The following PLEKHA5 variants were observed in gnomAD, a reference collection of about 807,000 sequenced individuals.
PLEKHA5 encodes the protein pleckstrin homology domain containing A5, also known as pleckstrin homology domain-containing family A member 5.
In PLEKHA5, 55 loss-of-function variants were observed where a neutral mutation model predicts 181.9. The observed-to-expected ratio is 0.30, with a 90% CI of 0.24 to 0.38. PLEKHA5 has a LOEUF of 0.38. PLEKHA5 is among the 10% of genes least tolerant of loss of function. The pLI, the probability that PLEKHA5 is intolerant of heterozygous loss-of-function variation, is 1.00. For synonymous variants in PLEKHA5, 535 were observed against 529.4 expected, an observed-to-expected ratio of 1.01 and a Z score of -0.15; for missense variants, 1,432 against 1,549.5, an observed-to-expected ratio of 0.92 and a Z score of 1.27.
At chr12:19,213,890 G>A (rs2057441606) in intron 3 of PLEKHA5, among the ~76,000 whole-genome samples, 1 of 152,124 alleles carries the variant, frequency 6.6e-6, no homozygotes, top group Admixed American at 6.6e-5. Context: ...GACCTTTTAA[G>A]TTTGAAATGT....
chr12:19,167,865 T>C (rs116380554), intron 3 of PLEKHA5, among the ~76,000 whole-genome samples: 1,934 of 152,260 alleles, frequency 0.013, 30 homozygotes, highest in South Asian at 0.037. Flanking sequence ...CTACTTGTCA[T>C]TGGGTGGCTG....
intron 20 of PLEKHA5, 82 bp downstream of exon 20, chr12:19,322,749 T>C (rs1283488384): frequency 2.3e-6 from 2 of 875,652 alleles, no homozygotes; most frequent in East Asian, 5.0e-5. Context: ...AATACTGGGC[T>C]CTCTTTAGGA....
chr12:19,306,955 A>C lies in PLEKHA5; in HGVS notation c.2038-7859A>C, dbSNP rs1190719301. 124 of 1,178,196 alleles carry C rather than the reference A, an allele frequency of 1.1e-4. No individual in the cohort carries two copies. The East Asian group carries it at 2.9e-3, about 27-fold the overall frequency. The allele number at this position is 1,178,196 out of a possible 1,614,324, so 73.0% of individuals were successfully genotyped here. ...TCTGCTTGGTGTTGGGCTCCTGCCT[A>C]CTCCTAACCCACTTACTCAGACTGG... On this transcript the variant is annotated intron_variant, in intron 15 of 31. Transcript: ENST00000429027.
intron 3 of PLEKHA5, among the ~76,000 whole-genome samples, chr12:19,208,594 C>G (rs1029368642): frequency 2.0e-5 from 3 of 152,066 alleles, no homozygotes; most frequent in African/African-American, 7.2e-5. Flanking sequence ...CAGCTAAGCT[C>G]TCATTTTTTG....
rs1165175456 is a variant in PLEKHA5, at chr12:19,270,764, T to C, written c.845+559T>C. On this transcript the variant is annotated intron_variant, in intron 10 of 31. Coordinates refer to ENST00000429027, the MANE Select transcript of PLEKHA5 (RefSeq NM_001256470.2). ...CCAGTCAGTGACAGCTGAGCACATATCTTATGTAAGAAAGATGCTAATGTG... is the reference window on the plus strand; with the variant it reads ...CCAGTCAGTGACAGCTGAGCACATACCTTATGTAAGAAAGATGCTAATGTG... 2.6e-5 allele frequency among the ~76,000 whole-genome samples: 4 copies of C among 152,174 alleles called. No individual in the cohort carries two copies. In the East Asian group the frequency reaches 7.7e-4, roughly 29 times the overall value.
At chr12:19,288,894 G>A (rs1227722244) in intron 13 of PLEKHA5, among the ~76,000 whole-genome samples, 2 of 151,996 alleles carry the variant, frequency 1.3e-5, no homozygotes, top group African/African-American at 4.8e-5. Context: ...TCTTTATTTG[G>A]CCTCAAAATC....
rs923689432 is a variant in PLEKHA5 at position 19,356,164 on chromosome 12, C to CA, written c.3139-2055dup. Among the ~76,000 whole-genome samples, 225 of 141,584 alleles carry CA rather than the reference C, an allele frequency of 1.6e-3. 1 individual carries two copies. The highest frequency in any genetic ancestry group is 3.5e-3 in the African/African-American group (134 of 38,382). 92.9% of individuals were successfully genotyped at this position (141,584 alleles called of 152,430 possible). Reference sequence around the variant, plus strand: ...TGGGCAACAGAGTGAGACTCTGTCTCAAAAAAAAACAAAAAAAAACAACAC... The same window carrying CA: ...TGGGCAACAGAGTGAGACTCTGTCTCAAAAAAAAAACAAAAAAAAACAACAC... On this transcript the variant is annotated intron_variant, in intron 26 of 31. Coordinates refer to ENST00000429027, the MANE Select transcript of PLEKHA5 (RefSeq NM_001256470.2).
chr12:19,206,976 G>C (rs1447846792), intron 3 of PLEKHA5, among the ~76,000 whole-genome samples: 1 of 151,986 alleles, frequency 6.6e-6, no homozygotes, highest in African/African-American at 2.4e-5. Flanking sequence ...TTCATGAGGG[G>C]ATAAGTCATT....
intron 3 of PLEKHA5, among the ~76,000 whole-genome samples, chr12:19,139,173 T>C (rs1360039013): frequency 6.6e-6 from 1 of 151,518 alleles, no homozygotes; most frequent in East Asian, 1.9e-4. Context: ...AGCAAGGAGG[T>C]TGACAGAAAA....
chr12:19,346,686 C>A (rs967167303), intron 23 of PLEKHA5, among the ~76,000 whole-genome samples: 3 of 152,044 alleles, frequency 2.0e-5, no homozygotes, highest in African/African-American at 4.8e-5. Flanking sequence ...AAAATCAGTT[C>A]TTTCCTTCTA....
At chr12:19,184,255 C>G (rs913783826) in intron 3 of PLEKHA5, among the ~76,000 whole-genome samples, 1 of 152,122 alleles carries the variant, frequency 6.6e-6, no homozygotes, top group Non-Finnish European at 1.5e-5. Flanking sequence ...TGGTAGCAGT[C>G]TTGTTGCCTA....
At chr12:19,144,148 A>T (rs1226760229) in intron 3 of PLEKHA5, among the ~76,000 whole-genome samples, 1 of 152,210 alleles carries the variant, frequency 6.6e-6, no homozygotes. Flanking sequence ...AAGGTAACTG[A>T]TAGAGAGTCT....
At chr12:19,288,467 CA>C (rs1379751368) in intron 13 of PLEKHA5, among the ~76,000 whole-genome samples, 4 of 152,120 alleles carry the variant, frequency 2.6e-5, no homozygotes, top group Admixed American at 6.5e-5. Context: ...ATTCTTTTAT[CA>C]GGGGCACTGG....
intron 23 of PLEKHA5, among the ~76,000 whole-genome samples, chr12:19,346,601 CT>C (rs1341725816): frequency 6.6e-6 from 1 of 152,122 alleles, no homozygotes; most frequent in Non-Finnish European, 1.5e-5. Flanking sequence ...GATCAAATCA[CT>C]GCACTATAGC....
rs183547466 is a variant in PLEKHA5 at position 19,187,072 on chromosome 12, T to A, written c.227+54622T>A. On this transcript the variant is annotated intron_variant, in intron 3 of 31. Coordinates refer to ENST00000429027, the MANE Select transcript of PLEKHA5 (RefSeq NM_001256470.2). ...GTAATGAGCATCTTCTATATGAATG[T>A]CTTTATCAGTACTCTAAAGTGCCTT... 3.9e-5 allele frequency among the ~76,000 whole-genome samples: 6 copies of A among 152,320 alleles called. No individual in the cohort carries two copies. In the East Asian group the frequency reaches 9.6e-4, roughly 24 times the overall value.
At chr12:19,209,716 T>TA (rs893866339) in intron 3 of PLEKHA5, among the ~76,000 whole-genome samples, 1 of 152,232 alleles carries the variant, frequency 6.6e-6, no homozygotes, top group African/African-American at 2.4e-5. Flanking sequence ...GGAAGTGGTT[T>TA]AGTCAAAGCA....
At chr12:19,140,807 G>A (rs1298773580) in intron 3 of PLEKHA5, among the ~76,000 whole-genome samples, 6 of 152,062 alleles carry the variant, frequency 3.9e-5, no homozygotes, top group Non-Finnish European at 8.8e-5. Flanking sequence ...TTTCTTTTTG[G>A]AGACAGAGTC....
At chr12:19,358,126 T>G in intron 26 of PLEKHA5, 102 bp from the exon 27 acceptor site, 1 of 798,454 alleles carries the variant, frequency 1.3e-6, no homozygotes, top group Middle Eastern at 2.5e-4. Context: ...TCTTGTGATT[T>G]TGAAAACAAA....
intron 29 of PLEKHA5, among the ~76,000 whole-genome samples, chr12:19,362,877 A>G (rs545210662): frequency 1.8e-4 from 27 of 151,900 alleles, no homozygotes; most frequent in African/African-American, 6.3e-4. Flanking sequence ...ATATTCATGG[A>G]TTTATGCCTT....
Sources: gnomAD v4.1 joint callset for allele counts (sites outside exome capture counted in the v4.1 genomes callset) on GRCh38, gnomAD v4.1.1 for gene constraint, MANE v1.5 for transcripts, NCBI Gene and HGNC (gene_info 2026-07-23, HGNC 2026-07-21) for gene names.